The following RALGAPA2 variants were observed in gnomAD, a reference collection of about 807,000 sequenced individuals.
RALGAPA2 encodes the protein ral GTPase-activating protein subunit alpha-2.
In RALGAPA2, 139 loss-of-function variants were observed where a neutral mutation model predicts 230.4. The ratio of observed to expected loss-of-function variants is 0.60; its 90% CI spans 0.53 to 0.69. The LOEUF is 0.69. RALGAPA2 is among the 30% of genes least tolerant of loss of function. The pLI is 0.00. For synonymous variants in RALGAPA2, 847 were observed against 837.8 expected (o/e 1.01, Z -0.19); for missense variants, 2,163 against 2,276.0 (o/e 0.95, Z 1.01).
At chr20:20,460,764 CAT>C (rs1314137194) in intron 37 of RALGAPA2, among the ~76,000 whole-genome samples, 1 of 152,178 alleles carries the variant, frequency 6.6e-6, no homozygotes, top group Non-Finnish European at 1.5e-5. Context: ...CTCGTGCACA[CAT>C]ATGGGCATAC....
chr20:20,512,240 T>TACAC lies in RALGAPA2; in HGVS notation c.4856+269_4856+272dup, dbSNP rs370439645. 5.2e-3 allele frequency among the ~76,000 whole-genome samples: 713 copies of TACAC among 138,426 alleles called. 4 individuals are homozygous for TACAC. Among genetic ancestry groups the TACAC allele is most frequent in the Non-Finnish European group, 3.8e-3 (243 of 63,638 alleles). 90.8% of individuals were successfully genotyped at this position (138,426 alleles called of 152,430 possible). A position where few individuals can be genotyped will look rare whatever the true frequency, so the allele number is the denominator to read the frequency against. ...AACCCCCCCTACACACACACACACA[T>TACAC]ACACACACACACACACACACACACA... On this transcript the variant is annotated intron_variant, in intron 32 of 39. Coordinates refer to ENST00000202677, the MANE Select transcript of RALGAPA2 (RefSeq NM_020343.4).
At chr20:20,687,933 A>C (rs1036778679) in intron 1 of RALGAPA2, among the ~76,000 whole-genome samples, 2 of 152,184 alleles carry the variant, frequency 1.3e-5, no homozygotes, top group Non-Finnish European at 2.9e-5. Flanking sequence ...GCCAGAGTGA[A>C]GGCAGGAATT....
Position 20,437,123 on chromosome 20 carries a change from A to G in RALGAPA2, c.5496-24975T>C, listed in dbSNP as rs2123025008. Among the ~76,000 whole-genome samples the G allele has an allele frequency of 6.6e-6, 1 of 152,302 alleles. No individual in the cohort carries two copies. Among genetic ancestry groups the G allele is most frequent in the Admixed American group, 6.5e-5 (1 of 15,304 alleles). On this transcript the variant is annotated intron_variant, in intron 37 of 39. Coordinates refer to ENST00000202677, the MANE Select transcript of RALGAPA2 (RefSeq NM_020343.4). The surrounding 1 kb of genome is among the most constrained non-coding windows in gnomAD (Gnocchi z 4.1). ...GGGAATACATAATATGTATAATTTC[A>G]TAAATGTTAGCTCAATAAATGTTGG...
chr20:20,682,203 G>A (rs2146844240), intron 1 of RALGAPA2, among the ~76,000 whole-genome samples: 1 of 152,196 alleles, frequency 6.6e-6, no homozygotes, highest in Non-Finnish European at 1.5e-5. Context: ...TATATTTACT[G>A]CACCAAAATA....
chr20:20,504,597 G>A (rs552980623), intron 34 of RALGAPA2, among the ~76,000 whole-genome samples: 5 of 152,206 alleles, frequency 3.3e-5, no homozygotes, highest in South Asian at 2.1e-4. Flanking sequence ...GTGGCGGCGC[G>A]TGCCTGTAGT....
chr20:20,497,021 C>T (rs559958473), intron 35 of RALGAPA2, among the ~76,000 whole-genome samples: 18 of 152,154 alleles, frequency 1.2e-4, no homozygotes, highest in Non-Finnish European at 2.2e-4. Context: ...ATGGCATCTC[C>T]GACTTTCTAA....
chr20:20,505,065 T>A (rs1485219256), intron 34 of RALGAPA2: 1 of 985,214 alleles, frequency 1.0e-6, no homozygotes, highest in East Asian at 1.1e-4. Context: ...GTCATTGACT[T>A]CTTCTTCAAT....
At chr20:20,539,168 G>C (rs1001913411) in intron 24 of RALGAPA2, among the ~76,000 whole-genome samples, 2 of 152,052 alleles carry the variant, frequency 1.3e-5, no homozygotes, top group Non-Finnish European at 2.9e-5. Flanking sequence ...CTCATCTCTT[G>C]GTGACTTGTG....
Position 20,458,475 on chromosome 20 carries a change from TAA to T in RALGAPA2, c.5495+14352_5495+14353del, listed in dbSNP as rs1217117954. Among the ~76,000 whole-genome samples, 37 of 139,874 alleles carry T rather than the reference TAA, an allele frequency of 2.6e-4. No individual in the cohort carries two copies. The South Asian group carries it at 7.3e-3, about 28-fold the overall frequency. 91.8% of individuals were successfully genotyped at this position (139,874 alleles called of 152,430 possible). On this transcript the variant is annotated intron_variant, in intron 37 of 39. Coordinates refer to ENST00000202677, the MANE Select transcript of RALGAPA2 (RefSeq NM_020343.4). ...ATACATATGTATTTTATATAATATA[TAA>T]TATATATGTATTTTATATATATTAT...
intron 39 of RALGAPA2, among the ~76,000 whole-genome samples, chr20:20,395,759 A>G (rs1257884852): frequency 6.6e-6 from 1 of 152,186 alleles, no homozygotes; most frequent in Non-Finnish European, 1.5e-5. Flanking sequence ...CAGGTCCAAC[A>G]GCCCTGCCTA....
chr20:20,477,662 A>G (rs1602488446), intron 36 of RALGAPA2, among the ~76,000 whole-genome samples: 1 of 152,094 alleles, frequency 6.6e-6, no homozygotes, highest in African/African-American at 2.4e-5. Flanking sequence ...CTTGGCTCAC[A>G]GCAACCTCCG....
intron 37 of RALGAPA2, among the ~76,000 whole-genome samples, chr20:20,436,965 C>T (rs1436558232): frequency 1.3e-5 from 2 of 152,184 alleles, no homozygotes; most frequent in African/African-American, 2.4e-5. Context: ...GACCAAGCTC[C>T]GGGGCTAACT....
chr20:20,441,169 T>A (rs927957386), intron 37 of RALGAPA2, among the ~76,000 whole-genome samples: 1 of 152,256 alleles, frequency 6.6e-6, no homozygotes, highest in African/African-American at 2.4e-5. Flanking sequence ...CTCATTTTAA[T>A]TCAGAATTCA....
At chr20:20,700,988 G>A (rs6046995) in intron 1 of RALGAPA2, among the ~76,000 whole-genome samples, 13,217 of 152,216 alleles carry the variant, frequency 0.087, 880 homozygotes, top group African/African-American at 0.17. Flanking sequence ...TCACATTTTT[G>A]GTTGTTGTGG....
At chr20:20,476,160 G>A (rs1366472205) in intron 36 of RALGAPA2, among the ~76,000 whole-genome samples, 1 of 152,068 alleles carries the variant, frequency 6.6e-6, no homozygotes, top group African/African-American at 2.4e-5. Context: ...CTAACATTAA[G>A]CTATAGATTC....
Position 20,569,009 on chromosome 20 carries a change from A to G in RALGAPA2, c.3156+2449T>C, listed in dbSNP as rs558589901. On this transcript the variant is annotated intron_variant, in intron 23 of 39. Coordinates refer to ENST00000202677, the MANE Select transcript of RALGAPA2 (RefSeq NM_020343.4). Reference sequence around the variant, plus strand: ...AAATAGAAAGAAGCCCTGAGATGGTACCAGTCACAGGTACATAGTTTGTTA... The same window carrying G: ...AAATAGAAAGAAGCCCTGAGATGGTGCCAGTCACAGGTACATAGTTTGTTA... Among the ~76,000 whole-genome samples the G allele has an allele frequency of 2.0e-5, 3 of 152,322 alleles. No homozygotes were observed. In the South Asian group the frequency reaches 6.2e-4, roughly 32 times the overall value.
At chr20:20,533,667 C>T (rs2063425390) in intron 26 of RALGAPA2, among the ~76,000 whole-genome samples, 1 of 151,924 alleles carries the variant, frequency 6.6e-6, no homozygotes, top group Non-Finnish European at 1.5e-5. Context: ...AGACTATGCC[C>T]AACAAAGAAC....
At chr20:20,524,244 C>A (rs997288941) in intron 30 of RALGAPA2, among the ~76,000 whole-genome samples, 162 bp downstream of exon 30, 1 of 152,210 alleles carries the variant, frequency 6.6e-6, no homozygotes, top group Admixed American at 6.5e-5. Flanking sequence ...GAGTGAGCTA[C>A]CGTGCCCAGC....
rs906572190 is a variant in RALGAPA2, at chr20:20,402,255, G to A, written c.5618-5521C>T. ...CTCTGGGGAAAGTGTGCAGTAAACT[G>A]CAAATCTCTACATGTACATAAAGAA... On this transcript the variant is annotated intron_variant, in intron 38 of 39. Coordinates refer to ENST00000202677, the MANE Select transcript of RALGAPA2 (RefSeq NM_020343.4). Among the ~76,000 whole-genome samples, 8 of 152,242 alleles carry A rather than the reference G, an allele frequency of 5.3e-5. No homozygotes were observed. In the East Asian group the frequency reaches 1.5e-3, roughly 29 times the overall value.
Sources: gnomAD v4.1 joint callset for allele counts (sites outside exome capture counted in the v4.1 genomes callset) on GRCh38, gnomAD v4.1.1 for gene constraint, Gnocchi (gnomAD v3.1) non-coding constraint, MANE v1.5 for transcripts, NCBI Gene and HGNC (gene_info 2026-07-23, HGNC 2026-07-21) for gene names.